The following PIN4 variants were observed in gnomAD, a reference collection of about 807,000 sequenced individuals.
The protein encoded by PIN4 is peptidyl-prolyl cis-trans isomerase NIMA-interacting 4.
A neutral mutation model predicts 8.3 loss-of-function variants in PIN4; 3 were observed. That is an observed-to-expected ratio of 0.36 (90% CI 0.16 to 0.93). The LOEUF is 0.93. Ranked by LOEUF, PIN4 falls within the 40% of genes least tolerant of loss-of-function variation. The pLI is 0.44. For synonymous variants in PIN4, 18 were observed against 32.5 expected, an observed-to-expected ratio of 0.55 and a Z score of 1.52; for missense variants, 75 against 100.6, an observed-to-expected ratio of 0.75 and a Z score of 1.09.
intron 3 of PIN4, among the ~76,000 whole-genome samples, chrX:72,248,042 C>G (rs768655507): frequency 9.0e-6 from 1 of 110,684 alleles, no homozygotes; most frequent in African/African-American, 3.3e-5. Context: ...GAACTTTCCC[C>G]ACAACAAACA....
At chrX:72,254,116 C>T (rs2043099095) in intron 3 of PIN4, among the ~76,000 whole-genome samples, 1 of 112,247 alleles carries the variant, frequency 8.9e-6, no homozygotes, top group African/African-American at 3.2e-5. Context: ...ACTGGAAATA[C>T]TATCGAAACT....
Position 72,218,703 on chromosome X carries a change from C to T in PIN4, c.312+21799C>T, listed in dbSNP as rs185897108. Among the ~76,000 whole-genome samples, 748 of 110,495 alleles carry T rather than the reference C, an allele frequency of 6.8e-3. 11 individuals are homozygous for T. The highest frequency in any genetic ancestry group is 0.021 in the African/African-American group (643 of 30,394). ...AGAGACGGGGTTTCACCATGTTGGC[C>T]GGGCTGGTAGCTCATCAATTTCTAC... On this transcript the variant is annotated intron_variant, in intron 3 of 3. Coordinates refer to the PIN4 transcript ENST00000423432.
intron 1 of PIN4, among the ~76,000 whole-genome samples, chrX:72,182,476 A>T (rs1281483203): frequency 1.8e-5 from 2 of 110,379 alleles, no homozygotes; most frequent in Admixed American, 1.9e-4. Flanking sequence ...CTCGGGAGGC[A>T]GAGGTTGCAA....
intron 3 of PIN4, among the ~76,000 whole-genome samples, chrX:72,219,483 GATGGAGGTT>G (rs1395950678): frequency 9.1e-6 from 1 of 109,416 alleles, no homozygotes; most frequent in African/African-American, 3.3e-5. Flanking sequence ...GAACCTGGGA[GATGGAGGTT>G]GCAGTAAGCC....
intron 3 of PIN4, among the ~76,000 whole-genome samples, chrX:72,244,438 G>A (rs759793595): frequency 1.2e-4 from 13 of 111,942 alleles, no homozygotes; most frequent in Non-Finnish European, 2.3e-4. Flanking sequence ...CAAAGGCCCT[G>A]AGGCAGGAGA....
chrX:72,261,053 T>C (rs1050352202), intron 3 of PIN4, among the ~76,000 whole-genome samples: 1 of 111,225 alleles, frequency 9.0e-6, no homozygotes, highest in Non-Finnish European at 1.9e-5. Context: ...ATCCCAACAC[T>C]TTGGGAGGCC....
chrX:72,197,220 C>G, intron 3 of PIN4, 148 bp from the exon 4 acceptor site: 6 of 492,801 alleles, frequency 1.2e-5, no homozygotes, highest in Non-Finnish European at 2.1e-5. Flanking sequence ...CTTCTTCTAC[C>G]TATTTGTCCT....
rs140268234 is a variant in PIN4 at position 72,235,788 on chromosome X, C to G, written c.313-26919C>G. On this transcript the variant is annotated intron_variant, in intron 3 of 3. Transcript: ENST00000423432. ...GTCAGCTGGTTAGTGACCTTAATTC[C>G]TCTCTACCATATGAGGGTAACATAT... 2.7e-4 allele frequency among the ~76,000 whole-genome samples: 30 copies of G among 111,822 alleles called. No individual in the cohort carries two copies. The East Asian group carries it at 7.9e-3, about 29-fold the overall frequency.
chrX:72,235,537 A>G (rs1354669169), intron 3 of PIN4, among the ~76,000 whole-genome samples: 3 of 110,428 alleles, frequency 2.7e-5, no homozygotes, highest in Admixed American at 9.7e-5. Flanking sequence ...CTGGGATTAC[A>G]GGCGTGTACC....
chrX:72,197,073 C>T (rs991284331), intron 3 of PIN4, 169 bp downstream of exon 3: 29 of 510,088 alleles, frequency 5.7e-5, no homozygotes, highest in African/African-American at 4.8e-4. Context: ...GTTTAAAGAT[C>T]TCAAAAGCAG....
At chrX:72,188,507 G>A (rs1020111175) in intron 2 of PIN4, among the ~76,000 whole-genome samples, 2 of 110,475 alleles carry the variant, frequency 1.8e-5, no homozygotes, top group South Asian at 3.8e-4. Flanking sequence ...ACAGGTGCCC[G>A]CCACCGCGCC....
chrX:72,249,092 A>G (rs1439946585), intron 3 of PIN4, among the ~76,000 whole-genome samples: 2 of 111,716 alleles, frequency 1.8e-5, no homozygotes, highest in Non-Finnish European at 3.8e-5. Context: ...TACCCAGAAT[A>G]TATAAAGAGC....
intron 3 of PIN4, chrX:72,255,994 G>A (rs1474613688): frequency 1.8e-5 from 2 of 112,120 alleles, no homozygotes; most frequent in South Asian, 3.7e-4. Flanking sequence ...GCACTTTGCC[G>A]GGCACCGGGA....
At chrX:72,203,278 A>AGTCT (rs1386191960), downstream of PIN4, among the ~76,000 whole-genome samples, 10 of 111,906 alleles carry the variant, frequency 8.9e-5, no homozygotes, top group African/African-American at 3.3e-4. Context: ...CCTGAGTTGT[A>AGTCT]GTCTTTATAA....
intron 3 of PIN4, among the ~76,000 whole-genome samples, chrX:72,230,956 C>T (rs1407505748): frequency 8.9e-6 from 1 of 111,917 alleles, no homozygotes; most frequent in Non-Finnish European, 1.9e-5. Context: ...CAGAGGGAGA[C>T]CCTGTCTCTA....
chrX:72,203,903 G>A (rs926459090), intron 3 of PIN4, among the ~76,000 whole-genome samples: 7 of 112,170 alleles, frequency 6.2e-5, no homozygotes, highest in African/African-American at 2.3e-4. Flanking sequence ...CTTTCTGCAA[G>A]GGAACCAAAC....
At chrX:72,257,275 C>T (rs911657700) in intron 3 of PIN4, among the ~76,000 whole-genome samples, 4 of 111,540 alleles carry the variant, frequency 3.6e-5, no homozygotes, top group South Asian at 3.8e-4. Flanking sequence ...GAGCCGAGAT[C>T]GTGCCACTGT....
downstream of PIN4, among the ~76,000 whole-genome samples, chrX:72,201,459 G>A (rs765405301): frequency 1.8e-5 from 2 of 110,998 alleles, no homozygotes; most frequent in Non-Finnish European, 3.8e-5. Flanking sequence ...CAGGCGTGAT[G>A]GTGGCGCACA....
chrX:72,234,109 CA>C (rs1236426608), intron 3 of PIN4, among the ~76,000 whole-genome samples: 81 of 93,887 alleles, frequency 8.6e-4, no homozygotes, highest in African/African-American at 1.7e-3. Context: ...GACTCCGTCT[CA>C]AAAAAAAAAA....
Sources: allele counts gnomAD v4.1 joint callset (sites outside exome capture counted in the v4.1 genomes callset), GRCh38; gene constraint gnomAD v4.1.1; transcripts MANE v1.5; gene names NCBI Gene and HGNC (gene_info 2026-07-23, HGNC 2026-07-21).